DBF4: variants seen among roughly 807,000 people sequenced by gnomAD.
DBF4 encodes protein DBF4 homolog A.
In DBF4, 25 loss-of-function variants were observed where a neutral mutation model predicts 76.6. The observed-to-expected ratio is 0.33, with a 90% CI of 0.24 to 0.46. DBF4 has a LOEUF of 0.46. Ranked by LOEUF, DBF4 falls within the 20% of genes least tolerant of loss-of-function variation. The pLI is 1.00. For synonymous variants in DBF4, 213 were observed against 258.0 expected, an observed-to-expected ratio of 0.83 and a Z score of 1.67; for missense variants, 638 against 760.8, an observed-to-expected ratio of 0.84 and a Z score of 1.90.
chr7:87,899,003 C>G (rs1839704800), intron 8 of DBF4, among the ~76,000 whole-genome samples: 1 of 152,102 alleles, frequency 6.6e-6, no homozygotes, highest in Non-Finnish European at 1.5e-5. Context: ...GGAGAAAGGA[C>G]AGTCTTTTTT....
At chr7:87,881,276 C>T (rs1181795137) in intron 2 of DBF4, among the ~76,000 whole-genome samples, 2 of 152,114 alleles carry the variant, frequency 1.3e-5, no homozygotes, top group African/African-American at 2.4e-5. Context: ...GGCATGGTGG[C>T]GCACACTTGT....
intron 2 of DBF4, chr7:87,878,434 G>T: frequency 2.1e-6 from 1 of 470,484 alleles, no homozygotes; most frequent in South Asian, 3.5e-5. Context: ...TAGCAGTCTA[G>T]TGTAAAGTTC....
chr7:87,890,907 C>G (rs1274180086), intron 6 of DBF4, among the ~76,000 whole-genome samples: 1 of 152,072 alleles, frequency 6.6e-6, no homozygotes, highest in African/African-American at 2.4e-5. Context: ...GAATCTATAT[C>G]TGGTTGAATT....
At chr7:87,894,015 A>G (rs748389631) in intron 6 of DBF4, among the ~76,000 whole-genome samples, 27 of 152,226 alleles carry the variant, frequency 1.8e-4, no homozygotes, top group Non-Finnish European at 2.9e-4. Flanking sequence ...ATCTTGAATT[A>G]ATATTTACCT....
intron 10 of DBF4, among the ~76,000 whole-genome samples, chr7:87,901,597 G>C (rs1483928100): frequency 6.6e-6 from 1 of 152,164 alleles, no homozygotes; most frequent in Admixed American, 6.6e-5. Flanking sequence ...GTTGAAAGAA[G>C]TAAAGACCAT....
At chr7:87,882,903 GA>G (rs1409530459) in intron 2 of DBF4, among the ~76,000 whole-genome samples, 3 of 152,062 alleles carry the variant, frequency 2.0e-5, no homozygotes, top group Admixed American at 6.6e-5. Flanking sequence ...GGTAGTTTCT[GA>G]AAAAAGTAAA....
At chr7:87,880,062 T>C (rs1032811011) in intron 2 of DBF4, among the ~76,000 whole-genome samples, 2 of 151,982 alleles carry the variant, frequency 1.3e-5, no homozygotes, top group Non-Finnish European at 2.9e-5. Flanking sequence ...TCTAAATCAG[T>C]GATACTTAGA....
chr7:87,878,321 C>G (rs751622671), intron 2 of DBF4, 96 bp downstream of exon 2: 19 of 922,398 alleles, frequency 2.1e-5, no homozygotes, highest in East Asian at 7.7e-5. Context: ...GAAAACGCTT[C>G]TATTAGCACC....
chr7:87,900,153 T>C, intron 8 of DBF4, 68 bp from the exon 9 acceptor site: 2 of 1,304,338 alleles, frequency 1.5e-6, no homozygotes, highest in Non-Finnish European at 2.1e-6. Context: ...GATTTTGAAA[T>C]ACAAAACTTT....
chr7:87,900,384 C>T, intron 9 of DBF4, 35 bp downstream of exon 9: 2 of 1,560,600 alleles, frequency 1.3e-6, no homozygotes, highest in Non-Finnish European at 1.7e-6. Context: ...AAGGAATATT[C>T]AGAATTTCAT....
Position 87,909,264 on chromosome 7 carries a change from G to C in DBF4, c.*1101G>C, listed in dbSNP as rs189662752. 2.0e-5 allele frequency: 3 copies of C among 152,246 alleles called. No individual in the cohort carries two copies. Among genetic ancestry groups the C allele is most frequent in the Admixed American group, 2.0e-4 (3 of 15,298 alleles). 9.4% of individuals were successfully genotyped at this position (152,246 alleles called of 1,614,324 possible). ...TTCAATTTGAATCTGTGGATATAAG[G>C]CATTTGCCTTTGAGTATGTTCTTGT... On this transcript the variant is annotated 3_prime_UTR_variant, in exon 12 of 12. Transcript: ENST00000265728.
At position 87,877,064 on chromosome 7, in the gene DBF4, G is replaced by C. The variant is rs575822702; in HGVS notation, c.46+286G>C. Among the ~76,000 whole-genome samples, 80 of 152,290 alleles carry C rather than the reference G, an allele frequency of 5.3e-4. 2 individuals carry two copies. The Middle Eastern group carries it at 0.02, about 39-fold the overall frequency. ...CAATGTGCAGATCCGGGACCTCGCC[G>C]GGACTGCGGCGCTGTCTGCTCCCGG... On this transcript the variant is annotated intron_variant, in intron 1 of 11. Transcript: ENST00000265728.
At chr7:87,880,661 G>A (rs1303742879) in intron 2 of DBF4, among the ~76,000 whole-genome samples, 2 of 151,238 alleles carry the variant, frequency 1.3e-5, no homozygotes, top group African/African-American at 4.9e-5. Flanking sequence ...ACCATTTCAC[G>A]TACTTTGGTT....
chr7:87,889,044 C>G (rs1233516307), intron 6 of DBF4, among the ~76,000 whole-genome samples: 1 of 152,138 alleles, frequency 6.6e-6, no homozygotes, highest in Non-Finnish European at 1.5e-5. Flanking sequence ...ACAGCCTGAT[C>G]TTTGAGTGTG....
chr7:87,897,485 GA>G, intron 8 of DBF4, 146 bp downstream of exon 8: 1 of 632,912 alleles, frequency 1.6e-6, no homozygotes, highest in African/African-American at 1.9e-5. Context: ...ACAAGTTAAC[GA>G]AAGTAGCATT....
chr7:87,898,276 A>G (rs1839688965), intron 8 of DBF4, among the ~76,000 whole-genome samples: 1 of 152,204 alleles, frequency 6.6e-6, no homozygotes, highest in Non-Finnish European at 1.5e-5. Flanking sequence ...GTGCAATTCA[A>G]AAGGAGGCCT....
At chr7:87,880,660 C>T (rs898692896) in intron 2 of DBF4, among the ~76,000 whole-genome samples, 1 of 152,036 alleles carries the variant, frequency 6.6e-6, no homozygotes. Flanking sequence ...CACCATTTCA[C>T]GTACTTTGGT....
chr7:87,894,209 A>T (rs1303582884), intron 6 of DBF4, among the ~76,000 whole-genome samples: 1 of 152,216 alleles, frequency 6.6e-6, no homozygotes, highest in Non-Finnish European at 1.5e-5. Context: ...TCATCCCAGC[A>T]CTTTGGGAGG....
chr7:87,889,809 T>A (rs985508988), intron 6 of DBF4, among the ~76,000 whole-genome samples: 1 of 152,162 alleles, frequency 6.6e-6, no homozygotes, highest in African/African-American at 2.4e-5. Context: ...GAAAAGTGAA[T>A]GGGAAATATA....
Sources: gnomAD v4.1 joint callset for allele counts (sites outside exome capture counted in the v4.1 genomes callset) on GRCh38, gnomAD v4.1.1 for gene constraint, MANE v1.5 for transcripts, NCBI Gene and HGNC (gene_info 2026-07-23, HGNC 2026-07-21) for gene names.